The following SHISA9 variants were observed in gnomAD, a reference collection of about 807,000 sequenced individuals.
SHISA9 encodes the protein protein shisa-9.
SHISA9 carries 13 observed loss-of-function variants against 38.0 expected under a neutral mutation model. That is an observed-to-expected ratio of 0.34 (90% CI 0.22 to 0.54). SHISA9 has a LOEUF of 0.54. Ranked by LOEUF, SHISA9 falls within the 20% of genes least tolerant of loss-of-function variation. The probability of loss-of-function intolerance (pLI) is 0.91; values close to 1 mark genes in which losing one functional copy is unlikely to be tolerated. For missense variants in SHISA9, 538 were observed against 575.8 expected, an observed-to-expected ratio of 0.93 and a Z score of 0.67; for synonymous variants, 275 against 242.0, an observed-to-expected ratio of 1.14 and a Z score of -1.27.
At chr16:13,391,364 A>G in the SHISA9 span, among the ~76,000 whole-genome samples, 1 of 152,234 alleles carries the variant, frequency 6.6e-6, no homozygotes, top group Non-Finnish European at 1.5e-5. Flanking sequence ...AGCTCTGTAC[A>G]GCAGAGATTT....
At chr16:13,092,531 G>C (rs2073785549) in intron 2 of SHISA9, among the ~76,000 whole-genome samples, 1 of 152,174 alleles carries the variant, frequency 6.6e-6, no homozygotes, top group South Asian at 2.1e-4. Context: ...AGCAATTGTG[G>C]ACGCCTCTCT....
Position 13,169,517 on chromosome 16 carries a change from T to C in SHISA9, c.692-33877T>C, listed in dbSNP as rs1045602354. ...ATAATCCCATTAAATTCCTCTCTTA[T>C]AGCCATTTTCATAAAGAATCCTTAA... On this transcript the variant is annotated intron_variant, in intron 2 of 4. Coordinates refer to ENST00000558583, the MANE Select transcript of SHISA9 (RefSeq NM_001145204.3). 5.3e-5 allele frequency among the ~76,000 whole-genome samples: 8 copies of C among 152,346 alleles called. No homozygotes were observed. In the East Asian group the frequency reaches 1.4e-3, roughly 26 times the overall value.
intron 2 of SHISA9, among the ~76,000 whole-genome samples, chr16:13,126,731 G>A (rs1185118612): frequency 6.8e-6 from 1 of 147,000 alleles, no homozygotes; most frequent in East Asian, 2.1e-4. Context: ...GAGAAGGAAA[G>A]AGAGAGTGAC....
At chr16:13,073,977 T>G (rs1567203223) in intron 2 of SHISA9, among the ~76,000 whole-genome samples, 2 of 151,220 alleles carry the variant, frequency 1.3e-5, no homozygotes, top group African/African-American at 2.4e-5. Flanking sequence ...TTGTTTTTTT[T>G]TTTTGTGGGG....
At chr16:12,983,637 C>T (rs1449090037) in intron 2 of SHISA9, among the ~76,000 whole-genome samples, 10 of 152,214 alleles carry the variant, frequency 6.6e-5, no homozygotes, top group African/African-American at 2.4e-4. Context: ...TACAGGCGCC[C>T]GCCACCATGC....
chr16:12,993,487 C>T (rs747725157), intron 2 of SHISA9, among the ~76,000 whole-genome samples: 1 of 152,094 alleles, frequency 6.6e-6, no homozygotes, highest in Non-Finnish European at 1.5e-5. Context: ...CTAGAGCAGG[C>T]ATGATGATAA....
At chr16:13,324,226 G>C in the SHISA9 span, among the ~76,000 whole-genome samples, 1 of 152,136 alleles carries the variant, frequency 6.6e-6, no homozygotes, top group African/African-American at 2.4e-5. Context: ...CCCAGCCTCA[G>C]GTATTCCTTT....
chr16:13,091,113 G>C (rs891009990), intron 2 of SHISA9, among the ~76,000 whole-genome samples: 1 of 152,230 alleles, frequency 6.6e-6, no homozygotes, highest in Non-Finnish European at 1.5e-5. Context: ...CTTTAAGAAT[G>C]TTGAATATTG....
the SHISA9 span, among the ~76,000 whole-genome samples, chr16:13,419,149 G>T: frequency 6.6e-6 from 1 of 152,178 alleles, no homozygotes; most frequent in East Asian, 1.9e-4. Flanking sequence ...ACCCTCCAGG[G>T]TTTAGTATCT....
chr16:13,490,241 TG>T, the SHISA9 span, among the ~76,000 whole-genome samples: 5 of 152,124 alleles, frequency 3.3e-5, no homozygotes, highest in Non-Finnish European at 5.9e-5. Context: ...ATATGCTGAC[TG>T]GAATGTTGGG....
the SHISA9 span, among the ~76,000 whole-genome samples, chr16:13,533,505 T>C: frequency 6.6e-6 from 1 of 152,094 alleles, no homozygotes; most frequent in East Asian, 1.9e-4. Context: ...CCAATGCTTC[T>C]CCAATCTTAG....
chr16:13,228,703 T>TA (rs1241427561), intron 4 of SHISA9, among the ~76,000 whole-genome samples: 1 of 142,560 alleles, frequency 7.0e-6, no homozygotes, highest in African/African-American at 3.1e-5. Context: ...TGCTCATATA[T>TA]TTTTTTTAAT....
At chr16:13,345,285 T>G in the SHISA9 span, among the ~76,000 whole-genome samples, 1 of 152,098 alleles carries the variant, frequency 6.6e-6, no homozygotes, top group Non-Finnish European at 1.5e-5. Context: ...AAGGCCCAAG[T>G]GTGTGCTTTT....
chr16:13,037,695 CT>C (rs2141884662), intron 2 of SHISA9, among the ~76,000 whole-genome samples: 1 of 152,322 alleles, frequency 6.6e-6, no homozygotes, highest in East Asian at 1.9e-4. Flanking sequence ...AAGCAGCCCC[CT>C]AACTGGTCCT....
At chr16:12,966,816 C>G (rs111794836) in intron 2 of SHISA9, among the ~76,000 whole-genome samples, 5 of 152,122 alleles carry the variant, frequency 3.3e-5, no homozygotes, top group Admixed American at 1.3e-4. Flanking sequence ...AGTTATCAAG[C>G]CTTTGAACAT....
chr16:13,278,419 C>T, the SHISA9 span, among the ~76,000 whole-genome samples: 29 of 151,946 alleles, frequency 1.9e-4, no homozygotes, highest in South Asian at 2.5e-3. Flanking sequence ...ATTAGGGTGA[C>T]GTTGGCTTCA....
chr16:13,101,004 G>C (rs2073873859), intron 2 of SHISA9, among the ~76,000 whole-genome samples: 1 of 152,198 alleles, frequency 6.6e-6, no homozygotes, highest in African/African-American at 2.4e-5. Context: ...CCCGAGTTTG[G>C]CTATTTTAGA....
chr16:13,375,010 G>A, the SHISA9 span, among the ~76,000 whole-genome samples: 2 of 152,114 alleles, frequency 1.3e-5, no homozygotes, highest in Non-Finnish European at 2.9e-5. Context: ...TTTTGATGGG[G>A]TGGGGTTGTT....
In SHISA9 at chr16:13,027,931, AAC is replaced by A. The variant is rs1491389885; in HGVS notation, c.691+111118_691+111119del. Among the ~76,000 whole-genome samples, 369 of 114,864 alleles carry A rather than the reference AAC, an allele frequency of 3.2e-3. 46 individuals carry two copies. The highest frequency in any genetic ancestry group is 0.01 in the African/African-American group (315 of 30,788). The allele number at this position is 114,864 out of a possible 152,430, so 75.4% of individuals were successfully genotyped here. Reference sequence around the variant, plus strand: ...GACTAGAGTGAAGCTCTGTCTCAAAAACAAAAAAAAAAAAAAAAAAAAAGAAT... The same window carrying A: ...GACTAGAGTGAAGCTCTGTCTCAAAAAAAAAAAAAAAAAAAAAAAAAGAAT... On this transcript the variant is annotated intron_variant, in intron 2 of 4. Transcript: ENST00000558583.
Sources: gnomAD v4.1 joint callset for allele counts (sites outside exome capture counted in the v4.1 genomes callset) on GRCh38, gnomAD v4.1.1 for gene constraint, MANE v1.5 for transcripts, NCBI Gene and HGNC (gene_info 2026-07-23, HGNC 2026-07-21) for gene names.